Variants in DDO observed in about 807,000 individuals in gnomAD.
DDO encodes the protein D-aspartate oxidase, DDO.
Under a neutral mutation model 16.8 loss-of-function variants are expected in DDO, and 16 were observed. The observed-to-expected ratio is 0.95, with a 90% CI of 0.65 to 1.45. DDO has a LOEUF of 1.45. DDO is among the 40% of genes most tolerant of loss of function. DDO has a pLI of 0.00. For synonymous variants in DDO, 180 were observed against 167.2 expected (o/e 1.08, Z -0.59); for missense variants, 429 against 420.3 (o/e 1.02, Z -0.18).
At chr6:110,397,983 G>A (rs117131420) in intron 4 of DDO, among the ~76,000 whole-genome samples, 490 of 152,284 alleles carry the variant, frequency 3.2e-3, no homozygotes, top group Non-Finnish European at 6.2e-3. Flanking sequence ...GACCATATGA[G>A]GTAGTTATTC....
Position 110,392,439 on chromosome 6 carries a change from G to A in DDO, c.*336C>T, listed in dbSNP as rs1004859390. On this transcript the variant is annotated 3_prime_UTR_variant, in exon 5 of 5. Coordinates refer to ENST00000368924, the MANE Select transcript of DDO (RefSeq NM_001372108.2). ...TTTTTAACAAAAAATAGAGCTTTAT[G>A]CCCTATGCCATTAATGCTGGACTTC... The A allele has an allele frequency of 9.7e-6, 10 of 1,034,558 alleles. No individual in the cohort carries two copies. Among genetic ancestry groups the A allele is most frequent in the African/African-American group, 3.4e-5 (2 of 59,180 alleles). 64.1% of individuals were successfully genotyped at this position (1,034,558 alleles called of 1,614,324 possible).
At chr6:110,406,314 C>T (rs576310576) in intron 3 of DDO, among the ~76,000 whole-genome samples, 2 of 152,184 alleles carry the variant, frequency 1.3e-5, no homozygotes, top group Non-Finnish European at 2.9e-5. Flanking sequence ...CACACATCCA[C>T]TCTTTTCCCA....
chr6:110,408,442 T>C lies in DDO; in HGVS notation c.173A>G (p.Asp58Gly), dbSNP rs781036791. The C allele has an allele frequency of 2.5e-6, 4 of 1,613,586 alleles. No individual in the cohort carries two copies. The highest frequency in any genetic ancestry group is 2.2e-5 in the East Asian group (1 of 44,852). Residue 58 changes from aspartate (D) to glycine (G), a missense_variant and splice_region_variant, in exon 3 of 5, where the codon GAT becomes GGT. Transcript: ENST00000368924. ...AGMLIPHTYPDTPIHTQKQWF... is the reference protein window; with the variant it reads ...AGMLIPHTYPGTPIHTQKQWF... The stretch of plus-strand genomic sequence containing the variant: ...CTGCTTCTGCGTGTGAATGGGTGTA[T>C]CTGTAATCATGGAGAAAAGCAAAGT...
At chr6:110,395,627 A>C (rs929983713) in intron 4 of DDO, among the ~76,000 whole-genome samples, 3 of 152,086 alleles carry the variant, frequency 2.0e-5, no homozygotes, top group Admixed American at 2.0e-4. Flanking sequence ...TCATCACAGC[A>C]GTTCTGAGCG....
At chr6:110,406,808 C>T (rs527745203) in intron 3 of DDO, among the ~76,000 whole-genome samples, 2 of 149,704 alleles carry the variant, frequency 1.3e-5, no homozygotes, top group African/African-American at 2.4e-5. Context: ...GGATGAAACA[C>T]CTTGATCTGG....
chr6:110,404,667 G>T, intron 4 of DDO, 107 bp downstream of exon 4: 1 of 1,240,962 alleles, frequency 8.1e-7, no homozygotes, highest in African/African-American at 1.5e-5. Context: ...CAACGCGAAA[G>T]AGCTCTGAGG....
intron 3 of DDO, 125 bp downstream of exon 3, chr6:110,408,209 G>C (rs116845315): frequency 2.5e-6 from 2 of 809,814 alleles, no homozygotes; most frequent in African/African-American, 3.4e-5. Flanking sequence ...TGCTCTTTCC[G>C]AATCCTCCTG....
At chr6:110,394,414 C>A (rs1773223476) in intron 4 of DDO, among the ~76,000 whole-genome samples, 1 of 152,138 alleles carries the variant, frequency 6.6e-6, no homozygotes, top group African/African-American at 2.4e-5. Flanking sequence ...GCCTCCAGAA[C>A]TTTTTTAATC....
At chr6:110,412,993 A>G (rs114840450) in intron 2 of DDO, among the ~76,000 whole-genome samples, 2,497 of 152,126 alleles carry the variant, frequency 0.016, 73 homozygotes, top group African/African-American at 0.055. Context: ...AAATACAAAA[A>G]CTAGCCAGGC....
At chr6:110,409,315 C>T (rs1481961002) in intron 2 of DDO, among the ~76,000 whole-genome samples, 1 of 152,146 alleles carries the variant, frequency 6.6e-6, no homozygotes, top group Non-Finnish European at 1.5e-5. Flanking sequence ...AGTATGTGGC[C>T]GTCTGATTCC....
chr6:110,414,871 C>T (rs1773992913), intron 1 of DDO, among the ~76,000 whole-genome samples: 1 of 152,266 alleles, frequency 6.6e-6, no homozygotes, highest in Non-Finnish European at 1.5e-5. Context: ...TTCACCTTTC[C>T]TCTGGAAGGC....
chr6:110,410,892 T>A (rs1216276324), intron 2 of DDO, among the ~76,000 whole-genome samples: 1 of 152,168 alleles, frequency 6.6e-6, no homozygotes, highest in Non-Finnish European at 1.5e-5. Context: ...GCCAAGCTCC[T>A]GGACCTGCAA....
chr6:110,393,475 G>A (rs763595669), intron 4 of DDO, 133 bp from the exon 5 acceptor site: 77 of 1,241,400 alleles, frequency 6.2e-5, no homozygotes, highest in Non-Finnish European at 7.7e-5. Context: ...AGCTTCCAGG[G>A]CCCAGTCAGG....
intron 3 of DDO, among the ~76,000 whole-genome samples, chr6:110,407,260 C>T (rs895316494): frequency 3.3e-5 from 5 of 152,004 alleles, no homozygotes; most frequent in Non-Finnish European, 7.4e-5. Context: ...AGAGTGTGAC[C>T]GTAAATCAAA....
intron 3 of DDO, among the ~76,000 whole-genome samples, chr6:110,407,875 T>C (rs1286457913): frequency 6.6e-6 from 1 of 152,234 alleles, no homozygotes; most frequent in East Asian, 1.9e-4. Context: ...AAGGCAAGTT[T>C]AGTGACCTAC....
At chr6:110,390,774 T>TA (rs1235965664), downstream of DDO, among the ~76,000 whole-genome samples, 1 of 152,218 alleles carries the variant, frequency 6.6e-6, no homozygotes, top group Non-Finnish European at 1.5e-5. Context: ...TTTCCTCCTT[T>TA]AAAAAATGCT....
At chr6:110,411,975 G>C (rs904757032) in intron 2 of DDO, among the ~76,000 whole-genome samples, 1 of 152,176 alleles carries the variant, frequency 6.6e-6, no homozygotes, top group African/African-American at 2.4e-5. Flanking sequence ...CATTGGTGGG[G>C]CATGCCAGCA....
At chr6:110,396,616 C>G (rs1773299186) in intron 4 of DDO, among the ~76,000 whole-genome samples, 1 of 152,006 alleles carries the variant, frequency 6.6e-6, no homozygotes, top group African/African-American at 2.4e-5. Context: ...CCACAGAGAA[C>G]CAATAAAGCC....
intron 1 of DDO, among the ~76,000 whole-genome samples, chr6:110,414,367 T>C (rs746126424): frequency 5.9e-5 from 9 of 152,230 alleles, no homozygotes; most frequent in Non-Finnish European, 1.0e-4. Context: ...TCTCCTAGCC[T>C]CCACTCCCTC....
Sources: gnomAD v4.1 joint callset for allele counts (sites outside exome capture counted in the v4.1 genomes callset) on GRCh38, gnomAD v4.1.1 for gene constraint, MANE v1.5 for transcripts, NCBI Gene and HGNC (gene_info 2026-07-23, HGNC 2026-07-21) for gene names.